Variants in EHMT1 observed in about 807,000 individuals in gnomAD.
EHMT1 encodes histone-lysine N-methyltransferase EHMT1.
A neutral mutation model predicts 147.2 loss-of-function variants in EHMT1; 15 were observed. That is an observed-to-expected ratio of 0.10 (90% CI 0.07 to 0.16). The LOEUF (loss-of-function observed/expected upper bound fraction) is 0.16. Among genes scored for constraint, EHMT1 ranks in the 10% least tolerant of loss-of-function variants. The pLI is 1.00. For missense variants in EHMT1, 1,587 were observed against 1,772.4 expected (o/e 0.90, Z 1.88); for synonymous variants, 795 against 709.6 (o/e 1.12, Z -1.91).
intron 18 of EHMT1, among the ~76,000 whole-genome samples, chr9:137,801,201 C>T (rs749679292): frequency 3.3e-5 from 5 of 152,168 alleles, no homozygotes; most frequent in African/African-American, 4.8e-5. Context: ...TAGGGATCTG[C>T]GGGTTCAGAG....
At chr9:137,823,250 C>T (rs1447082317) in intron 25 of EHMT1, among the ~76,000 whole-genome samples, 4 of 151,822 alleles carry the variant, frequency 2.6e-5, no homozygotes, top group South Asian at 4.2e-4. Context: ...AGGCGCCCAC[C>T]ACCACGCCCA....
intron 8 of EHMT1, among the ~76,000 whole-genome samples, chr9:137,754,518 A>ATT (rs529662316): frequency 1.4e-5 from 2 of 147,418 alleles, no homozygotes; most frequent in African/African-American, 2.5e-5. Flanking sequence ...TTTTAATTTA[A>ATT]TTTTTTTTTT....
chr9:137,781,185 CGTGTGGTGACGACGCT>C (rs1951476730), intron 14 of EHMT1, among the ~76,000 whole-genome samples: 2 of 76,982 alleles, frequency 2.6e-5, no homozygotes, highest in African/African-American at 2.8e-4. Context: ...GACGCTGGGA[CGTGTGGTGACGACGCT>C]GAGACGTGTG....
chr9:137,675,779 A>ATTTTTTTTTTTTTTTTT (rs781380107), intron 1 of EHMT1, among the ~76,000 whole-genome samples: 2 of 95,780 alleles, frequency 2.1e-5, no homozygotes, highest in African/African-American at 9.4e-5. Context: ...CGCCCGGCTA[A>ATTTTTTTTTTTTTTTTT]TTTTTTTTTT....
At chr9:137,641,639 T>C (rs970507384) in intron 1 of EHMT1, 1 of 229,392 alleles carries the variant, frequency 4.4e-6, no homozygotes, top group Non-Finnish European at 8.6e-6. Context: ...TGTTTTGTGC[T>C]GTGCTTCCTC....
chr9:137,650,162 A>G (rs1166841982), intron 1 of EHMT1, among the ~76,000 whole-genome samples: 1 of 152,086 alleles, frequency 6.6e-6, no homozygotes, highest in East Asian at 1.9e-4. Context: ...GCAGTGGTGC[A>G]GTCACAGCTC....
intron 1 of EHMT1, among the ~76,000 whole-genome samples, chr9:137,626,914 C>G (rs879329302): frequency 6.6e-6 from 1 of 151,734 alleles, no homozygotes; most frequent in African/African-American, 2.4e-5. Flanking sequence ...CCACAGGTAG[C>G]TGGGATTACA....
chr9:137,792,524 G>C (rs1952601440), intron 16 of EHMT1, among the ~76,000 whole-genome samples: 1 of 152,132 alleles, frequency 6.6e-6, no homozygotes, highest in African/African-American at 2.4e-5. Context: ...GTCCAACATG[G>C]TGAAACCCGG....
intron 4 of EHMT1, among the ~76,000 whole-genome samples, chr9:137,736,688 C>T (rs890568226): frequency 2.0e-5 from 3 of 152,310 alleles, no homozygotes; most frequent in Admixed American, 1.3e-4. Context: ...GTCAGGAGTT[C>T]GAGACCAGCC....
At chr9:137,747,684 GA>G (rs965043062) in intron 6 of EHMT1, 19 of 152,204 alleles carry the variant, frequency 1.2e-4, no homozygotes, top group African/African-American at 4.1e-4. Flanking sequence ...AATTTGGGGG[GA>G]TTACATTGTG....
chr9:137,649,821 G>C (rs1323733280), intron 1 of EHMT1, among the ~76,000 whole-genome samples: 1 of 152,164 alleles, frequency 6.6e-6, no homozygotes, highest in Non-Finnish European at 1.5e-5. Flanking sequence ...CACACTTCTG[G>C]CCTCCAGAAC....
intron 1 of EHMT1, among the ~76,000 whole-genome samples, chr9:137,689,901 G>T (rs2134818055): frequency 6.6e-6 from 1 of 152,356 alleles, no homozygotes; most frequent in South Asian, 2.1e-4. Context: ...GTTGGCTGCT[G>T]TGCCTGGCGT....
chr9:137,811,725 C>CCT (rs1337314976), intron 19 of EHMT1, 110 bp downstream of exon 19: 1 of 1,425,750 alleles, frequency 7.0e-7, no homozygotes, highest in East Asian at 2.4e-5. Flanking sequence ...GGACACAGGC[C>CCT]CTCTGTTCCT....
intron 18 of EHMT1, chr9:137,803,366 C>CTTCAT (rs1953661997): frequency 2.1e-6 from 2 of 934,848 alleles, no homozygotes; most frequent in Non-Finnish European, 2.6e-6. Context: ...ATCCTCCGCG[C>CTTCAT]TTCACAGCCA....
chr9:137,655,845 G>A (rs1470443038), intron 1 of EHMT1, among the ~76,000 whole-genome samples: 1 of 152,148 alleles, frequency 6.6e-6, no homozygotes, highest in Non-Finnish European at 1.5e-5. Context: ...CTCACCTTTT[G>A]TCCATGGAAA....
intron 1 of EHMT1, among the ~76,000 whole-genome samples, chr9:137,650,642 C>G (rs933580950): frequency 5.4e-5 from 8 of 149,312 alleles, no homozygotes; most frequent in African/African-American, 1.7e-4. Context: ...GAGGGAAGTC[C>G]CTTATCAGAT....
intron 1 of EHMT1, among the ~76,000 whole-genome samples, chr9:137,662,952 C>T (rs955418371): frequency 2.9e-4 from 44 of 151,784 alleles, no homozygotes; most frequent in African/African-American, 1.0e-3. Context: ...CGCCACCATG[C>T]CCGGCTAATT....
At chr9:137,811,129 T>C (rs557058956) in intron 18 of EHMT1, among the ~76,000 whole-genome samples, 1 of 152,312 alleles carries the variant, frequency 6.6e-6, no homozygotes, top group African/African-American at 2.4e-5. Flanking sequence ...GAAAAGTGCC[T>C]CCAAGTGTTA....
At chr9:137,823,004 C>T (rs1016607429) in intron 25 of EHMT1, among the ~76,000 whole-genome samples, 1 of 151,912 alleles carries the variant, frequency 6.6e-6, no homozygotes, top group African/African-American at 2.4e-5. Flanking sequence ...AATCTCGGCT[C>T]ACTGCAACGT....
Sources: allele counts gnomAD v4.1 joint callset (sites outside exome capture counted in the v4.1 genomes callset), GRCh38; gene constraint gnomAD v4.1.1; transcripts MANE v1.5; gene names NCBI Gene and HGNC (gene_info 2026-07-23, HGNC 2026-07-21).